Variants in C1RL observed in about 807,000 individuals in gnomAD.
C1RL encodes the protein complement C1r subcomponent like.
A neutral mutation model predicts 27.9 loss-of-function variants in C1RL; 27 were observed. The ratio of observed to expected loss-of-function variants is 0.97; its 90% CI spans 0.71 to 1.33. The LOEUF (loss-of-function observed/expected upper bound fraction) is 1.33, where lower values mean the gene tolerates loss of function less well. C1RL is among the 40% of genes most tolerant of loss of function. C1RL has a pLI of 0.00. For synonymous variants in C1RL, 248 were observed against 252.1 expected, an observed-to-expected ratio of 0.98 and a Z score of 0.15; for missense variants, 563 against 623.9, an observed-to-expected ratio of 0.90 and a Z score of 1.04.
At chr12:7,108,095 G>C in intron 2 of C1RL, 156 bp downstream of exon 2, 1 of 585,406 alleles carries the variant, frequency 1.7e-6, no homozygotes, top group Non-Finnish European at 2.9e-6. Flanking sequence ...GTGTCCTGGG[G>C]TCCACCACTG....
intron 2 of C1RL, among the ~76,000 whole-genome samples, chr12:7,105,472 G>C (rs1023113499): frequency 2.6e-5 from 4 of 152,168 alleles, no homozygotes; most frequent in African/African-American, 4.8e-5. Context: ...GTTTCACCAT[G>C]TTGGCCAGGC....
At position 7,095,584 on chromosome 12, in the gene C1RL, C is replaced by A. The variant is rs1032246258; in HGVS notation, c.*807G>T. ...TAGGAAAGTGTGAGCTAGAGGATAC[C>A]ATTTTCGCAGAAGCAGGAATTCCCA... On this transcript the variant is annotated 3_prime_UTR_variant, in exon 6 of 6. Transcript: ENST00000266542. 5.1e-6 allele frequency: 5 copies of A among 985,614 alleles called. No individual in the cohort carries two copies. Among genetic ancestry groups the A allele is most frequent in the Non-Finnish European group, 6.0e-6 (5 of 830,194 alleles). 61.1% of individuals were successfully genotyped at this position (985,614 alleles called of 1,614,324 possible).
chr12:7,108,909 C>T, intron 1 of C1RL: 1 of 593,070 alleles, frequency 1.7e-6, no homozygotes, highest in Admixed American at 2.7e-5. Context: ...TCAGTCTCCC[C>T]ATGGAATATC....
chr12:7,101,120 TCCC>T (rs1434865055), intron 3 of C1RL, among the ~76,000 whole-genome samples: 244 of 3,692 alleles, frequency 0.066, 2 homozygotes, highest in Non-Finnish European at 0.075. Context: ...CCTCCCTCCC[TCCC>T]TCCTTCTTCC....
At position 7,096,550 on chromosome 12, in the gene C1RL, G is replaced by C. The variant is rs779106623; in HGVS notation, c.1305C>G (p.Asp435Glu). The change falls in exon 6 of 6, where the codon GAC (aspartate) becomes GAG (glutamate). Residue 435 changes from aspartate (D) to glutamate (E), a missense_variant. By Grantham distance (45) the Asp-to-Glu change is conservative. Transcript: ENST00000266542. ...CCCATACCACATAGACGCTGCCACT[G>C]TCCCCCTGGCAGACACTGTGCCTTT... The part of the protein sequence containing the change: ...ETQRHSVCQG[D>E]SGSVYVVWDN... The C allele has an allele frequency of 1.5e-5, 25 of 1,614,144 alleles. No individual in the cohort carries two copies. The South Asian group carries it at 2.7e-4, about 18-fold the overall frequency.
chr12:7,099,907 C>T lies in C1RL; in HGVS notation c.610G>A (p.Ala204Thr). Residue 204 changes from alanine (A) to threonine (T), a missense_variant, in exon 4 of 6, where the codon GCA (alanine) becomes ACA (threonine). Physicochemically the swap from Ala to Thr is moderately conservative, Grantham distance 58. Coordinates refer to ENST00000266542, the MANE Select transcript of C1RL (RefSeq NM_016546.4). ...TCGGCAGGTGGGGACTCACCTGCTGCCGCGGCCTGATAATAGGGCTCCTGG... is the reference window on the plus strand; with the variant it reads ...TCGGCAGGTGGGGACTCACCTGCTGTCGCGGCCTGATAATAGGGCTCCTGG... ...HCQEPYYQAA[A>T]AGALTCATPG... 1 of 1,614,040 alleles carries T rather than the reference C, an allele frequency of 6.2e-7. No individual in the cohort carries two copies. The highest frequency in any genetic ancestry group is 8.5e-7 in the Non-Finnish European group (1 of 1,180,014).
chr12:7,096,280 T>TGGCCCCCC lies in C1RL; in HGVS notation c.*110_*111insGGGGGGCC. On this transcript the variant is annotated 3_prime_UTR_variant, in exon 6 of 6. Transcript: ENST00000266542. ...GTGATGTGAATAGGATTTCCCTGCCTCCCCCAACCCCCCACCCCCAACCCC... is the reference window on the plus strand; with the variant it reads ...GTGATGTGAATAGGATTTCCCTGCCTGGCCCCCCCCCCCAACCCCCCACCCCCAACCCC... 36 of 992,568 alleles carry TGGCCCCCC rather than the reference T, an allele frequency of 3.6e-5. No individual in the cohort carries two copies. The highest frequency in any genetic ancestry group is 4.2e-5 in the Non-Finnish European group (35 of 832,098). The allele number at this position is 992,568 out of a possible 1,614,324, so 61.5% of individuals were successfully genotyped here.
At position 7,095,132 on chromosome 12, in the gene C1RL, G is replaced by T. The variant is rs59375850; in HGVS notation, c.*1259C>A. ...AATCACCTCCAATCTTTTTTTTTTG[G>T]GGGGGATGAAGTCTTGGTCTGTCCG... On this transcript the variant is annotated 3_prime_UTR_variant, in exon 6 of 6. Coordinates refer to ENST00000266542, the MANE Select transcript of C1RL (RefSeq NM_016546.4). 1.1e-5 allele frequency: 13 copies of T among 1,230,366 alleles called. No homozygotes were observed. The highest frequency in any genetic ancestry group is 3.5e-4 in the Middle Eastern group (1 of 2,842). The allele number at this position is 1,230,366 out of a possible 1,614,324, so 76.2% of individuals were successfully genotyped here.
At position 7,108,473 on chromosome 12, in the gene C1RL, C is replaced by CCA; in HGVS notation, c.76_77dup (p.Trp26CysfsTer28). 1.9e-6 allele frequency: 3 copies of CCA among 1,589,588 alleles called. No homozygotes were observed. In the African/African-American group the frequency reaches 4.0e-5, roughly 21 times the overall value. On this transcript the variant is annotated frameshift_variant, in exon 2 of 6. Transcript: ENST00000266542. LOFTEE classifies it high-confidence loss of function. The stretch of plus-strand genomic sequence containing the variant: ...CCTGGAGGACTCCCCAGAGAAGCAG[C>CCA]CACCACCTGTGAGTTGGGGGGAGGG...
Position 7,097,057 on chromosome 12 carries a change from G to T in C1RL, c.798C>A (p.Gly266=). The change falls in exon 6 of 6, where the codon GGC becomes GGA. Residue 266 remains glycine, a synonymous_variant. Transcript: ENST00000266542. ...CCCCCAGCAGGGCCCCGCCCCCACGGCCGTGGATACTGGTGAAGGCTTGCC... is the reference window on the plus strand; with the variant it reads ...CCCCCAGCAGGGCCCCGCCCCCACGTCCGTGGATACTGGTGAAGGCTTGCC... ...FPWQAFTSIH[G]RGGGALLGDR... The T allele has an allele frequency of 1.2e-6, 2 of 1,614,164 alleles. No homozygotes were observed. Among genetic ancestry groups the T allele is most frequent in the Non-Finnish European group, 8.5e-7 (1 of 1,180,016 alleles).
chr12:7,101,473 T>TTA (rs780058382), intron 3 of C1RL: 9 of 196,750 alleles, frequency 4.6e-5, no homozygotes, highest in South Asian at 1.2e-4. Context: ...TCTCACTATG[T>TTA]TGCCCAGGCT....
intron 3 of C1RL, among the ~76,000 whole-genome samples, 196 bp from the exon 4 acceptor site, chr12:7,100,222 A>C (rs1938578338): frequency 6.6e-6 from 1 of 152,198 alleles, no homozygotes; most frequent in South Asian, 2.1e-4. Flanking sequence ...CAAGCAGGGT[A>C]GGGGGGAACA....
Position 7,096,196 on chromosome 12 carries a change from G to T in C1RL, c.*195C>A. 1 of 1,378,306 alleles carries T rather than the reference G, an allele frequency of 7.3e-7. No homozygotes were observed. Among genetic ancestry groups the T allele is most frequent in the Non-Finnish European group, 9.3e-7 (1 of 1,069,868 alleles). The allele number at this position is 1,378,306 out of a possible 1,614,324, so 85.4% of individuals were successfully genotyped here. A position where few individuals can be genotyped will look rare whatever the true frequency, so the allele number is the denominator to read the frequency against. Reference sequence around the variant, plus strand: ...AGCGGTCTGTGGGACTCTGCTTCCTGTCTGGGATGGGGCGGGCTTGCCGGG... The same window carrying T: ...AGCGGTCTGTGGGACTCTGCTTCCTTTCTGGGATGGGGCGGGCTTGCCGGG... On this transcript the variant is annotated 3_prime_UTR_variant, in exon 6 of 6. Coordinates refer to ENST00000266542, the MANE Select transcript of C1RL (RefSeq NM_016546.4).
In C1RL at chr12:7,099,991, T is replaced by C. The variant is rs1938568900; in HGVS notation, c.526A>G (p.Arg176Gly). Residue 176 changes from arginine to glycine, a missense_variant, in exon 4 of 6, where the codon AGG becomes GGG. Arg to Gly is a moderately radical substitution (Grantham distance 125). Transcript: ENST00000266542. ...NYSQPISEAS[R>G]GSEAINAPGD... ...GGTGCGTTGATGGCCTCAGAGCCCCTGCTGGCCTCGCTGATGGGCTGACTA... is the reference window on the plus strand; with the variant it reads ...GGTGCGTTGATGGCCTCAGAGCCCCCGCTGGCCTCGCTGATGGGCTGACTA... The C allele has an allele frequency of 1.9e-6, 3 of 1,613,820 alleles. No homozygotes were observed. The highest frequency in any genetic ancestry group is 2.5e-6 in the Non-Finnish European group (3 of 1,179,902).
chr12:7,100,793 C>T (rs1488001922), intron 3 of C1RL, among the ~76,000 whole-genome samples: 1 of 151,826 alleles, frequency 6.6e-6, no homozygotes, highest in African/African-American at 2.4e-5. Context: ...TCTCAAAAAA[C>T]AATAAATAAA....
rs868407640 is a variant in C1RL at position 7,096,733 on chromosome 12, G to A, written c.1122C>T (p.Tyr374=). The change falls in exon 6 of 6, where the codon TAC becomes TAT. Residue 374 remains tyrosine, a synonymous_variant. Transcript: ENST00000266542. Reference sequence around the variant, plus strand: ...CCATCTCCATGCCAAACCCACTGACGTAGCCCAACAAGCCGCTGCGGTAGA... The same window carrying A: ...CCATCTCCATGCCAAACCCACTGACATAGCCCAACAAGCCGCTGCGGTAGA... ...ETLYRSGLLG[Y]VSGFGMEMGW... is the part of the protein sequence containing the mutation. 2.4e-5 allele frequency: 38 copies of A among 1,613,026 alleles called. No individual in the cohort carries two copies. The highest frequency in any genetic ancestry group is 1.6e-4 in the African/African-American group (12 of 75,018).
Position 7,095,148 on chromosome 12 carries a change from G to T in C1RL, c.*1243C>A. ...TTTTTTTTGGGGGGGATGAAGTCTT[G>T]GTCTGTCCGCAGGCTGGAGTGCAGT... On this transcript the variant is annotated 3_prime_UTR_variant, in exon 6 of 6. Transcript: ENST00000266542. 2 of 1,232,160 alleles carry T rather than the reference G, an allele frequency of 1.6e-6. No homozygotes were observed. The highest frequency in any genetic ancestry group is 2.1e-6 in the Non-Finnish European group (2 of 962,678). The allele number at this position is 1,232,160 out of a possible 1,614,324, so 76.3% of individuals were successfully genotyped here. A position where few individuals can be genotyped will look rare whatever the true frequency, so the allele number is the denominator to read the frequency against.
chr12:7,099,542 C>T lies in C1RL; in HGVS notation c.691+144G>A. On this transcript the variant is annotated intron_variant, in intron 5 of 5. Coordinates refer to ENST00000266542, the MANE Select transcript of C1RL (RefSeq NM_016546.4). ...AGCTCCCTGCCTGTTCTTTTCTGGG[C>T]CTTCTTGATTGCCCTGTTCTTCCTC... The T allele has an allele frequency of 7.8e-6, 11 of 1,406,542 alleles. No individual in the cohort carries two copies. The South Asian group carries it at 1.5e-4, about 20-fold the overall frequency. The allele number at this position is 1,406,542 out of a possible 1,614,324, so 87.1% of individuals were successfully genotyped here. A position where few individuals can be genotyped will look rare whatever the true frequency, so the allele number is the denominator to read the frequency against.
rs753467574 is a variant in C1RL at position 7,099,763 on chromosome 12, G to C, written c.617-3C>G. 2 of 1,589,510 alleles carry C rather than the reference G, an allele frequency of 1.3e-6. No individual in the cohort carries two copies. Among genetic ancestry groups the C allele is most frequent in the African/African-American group, 2.7e-5 (2 of 74,930 alleles). ...TGGGGTTGCACAGGTGAGTGCCCCT[G>C]TGGCGTAAATGAGGAGAGGCAAAGA... On this transcript the variant is annotated splice_region_variant and splice_polypyrimidine_tract_variant and intron_variant, in intron 4 of 5. Coordinates refer to ENST00000266542, the MANE Select transcript of C1RL (RefSeq NM_016546.4).
Sources: gnomAD v4.1 joint callset for allele counts (sites outside exome capture counted in the v4.1 genomes callset) on GRCh38, gnomAD v4.1.1 for gene constraint, MANE v1.5 for transcripts, NCBI Gene and HGNC (gene_info 2026-07-23, HGNC 2026-07-21) for gene names.